The following CHN2 variants were observed in gnomAD, a reference collection of about 807,000 sequenced individuals.
CHN2 encodes beta-chimaerin.
In CHN2, 35 loss-of-function variants were observed where a neutral mutation model predicts 56.3. The ratio of observed to expected loss-of-function variants is 0.62; its 90% CI spans 0.47 to 0.82. The LOEUF (loss-of-function observed/expected upper bound fraction) is 0.82, where lower values mean the gene tolerates loss of function less well. Ranked by LOEUF, CHN2 falls within the 40% of genes least tolerant of loss-of-function variation. CHN2 has a pLI of 0.00. For synonymous variants in CHN2, 210 were observed against 212.8 expected, an observed-to-expected ratio of 0.99 and a Z score of 0.12; for missense variants, 491 against 580.5, an observed-to-expected ratio of 0.85 and a Z score of 1.58.
At chr7:29,465,800 T>TA (rs1785504439) in intron 6 of CHN2, among the ~76,000 whole-genome samples, 1 of 152,294 alleles carries the variant, frequency 6.6e-6, no homozygotes, top group South Asian at 2.1e-4. Flanking sequence ...CCATTATTGA[T>TA]AAAAAATTTT....
rs560468169 is a variant in CHN2 at position 29,186,432 on chromosome 7, A to G, written c.274+39472A>G. On this transcript the variant is annotated intron_variant, in intron 2 of 6. Transcript: ENST00000439384. ...ACCCTGTCTCCACTAAAAATTTTAAAAAGCAGCCACGTGCCTGTAGTCCCA... is the reference window on the plus strand; with the variant it reads ...ACCCTGTCTCCACTAAAAATTTTAAGAAGCAGCCACGTGCCTGTAGTCCCA... 3.3e-5 allele frequency: 5 copies of G among 152,208 alleles called. No individual in the cohort carries two copies. The South Asian group carries it at 1.0e-3, about 32-fold the overall frequency. 9.4% of individuals were successfully genotyped at this position (152,208 alleles called of 1,614,324 possible).
At chr7:29,288,633 A>T (rs1329686847) in intron 1 of CHN2, among the ~76,000 whole-genome samples, 1 of 152,214 alleles carries the variant, frequency 6.6e-6, no homozygotes, top group Non-Finnish European at 1.5e-5. Context: ...CAGTGGCTCT[A>T]GTCAGCTTTA....
At chr7:29,495,869 C>A in intron 7 of CHN2, 83 bp from the exon 8 acceptor site, 1 of 1,140,444 alleles carries the variant, frequency 8.8e-7, no homozygotes, top group Non-Finnish European at 1.3e-6. Context: ...ATCGCTCCTG[C>A]TGATCTTCAT....
At chr7:29,261,269 C>A (rs940893438) in intron 1 of CHN2, among the ~76,000 whole-genome samples, 1 of 152,210 alleles carries the variant, frequency 6.6e-6, no homozygotes, top group African/African-American at 2.4e-5. Flanking sequence ...TAATGACCGG[C>A]GGAGGGGGTT....
chr7:29,362,669 TTCCTC>T (rs1182518447), intron 2 of CHN2, among the ~76,000 whole-genome samples: 5 of 152,164 alleles, frequency 3.3e-5, no homozygotes, highest in African/African-American at 1.2e-4. Flanking sequence ...CAGTTCCTCT[TTCCTC>T]TATCTGTAAC....
intron 1 of CHN2, among the ~76,000 whole-genome samples, chr7:29,346,983 T>C (rs1022002635): frequency 2.6e-5 from 4 of 152,162 alleles, no homozygotes; most frequent in African/African-American, 9.7e-5. Flanking sequence ...GATTCGCGTA[T>C]GTTCCCTGCA....
chr7:29,406,734 G>A (rs368934483), intron 6 of CHN2, among the ~76,000 whole-genome samples: 58 of 152,176 alleles, frequency 3.8e-4, no homozygotes, highest in African/African-American at 1.4e-3. Flanking sequence ...CTGTGTGGGG[G>A]ACTCTGGGGT....
chr7:29,443,027 G>A (rs1262647530), intron 6 of CHN2, among the ~76,000 whole-genome samples: 2 of 143,202 alleles, frequency 1.4e-5, no homozygotes, highest in African/African-American at 5.4e-5. Context: ...TGCAAACTCC[G>A]CTTCCCGGGT....
intron 1 of CHN2, among the ~76,000 whole-genome samples, chr7:29,322,399 T>A (rs1446317824): frequency 6.6e-6 from 1 of 152,216 alleles, no homozygotes; most frequent in East Asian, 1.9e-4. Context: ...CACACCCCTG[T>A]GATGATGGAA....
intron 6 of CHN2, among the ~76,000 whole-genome samples, chr7:29,402,274 G>A (rs1156600454): frequency 6.6e-6 from 1 of 152,212 alleles, no homozygotes; most frequent in Non-Finnish European, 1.5e-5. Context: ...ACCTTCCACA[G>A]AATCACATCA....
At chr7:29,169,965 C>T (rs1189494517) in intron 2 of CHN2, among the ~76,000 whole-genome samples, 1 of 151,840 alleles carries the variant, frequency 6.6e-6, no homozygotes, top group Non-Finnish European at 1.5e-5. Context: ...CAGCCTTGAA[C>T]CCCTGGGCTC....
chr7:29,169,186 T>C (rs1157497487), intron 2 of CHN2, among the ~76,000 whole-genome samples: 1 of 152,228 alleles, frequency 6.6e-6, no homozygotes, highest in South Asian at 2.1e-4. Flanking sequence ...TATTCAGTAC[T>C]GTTTTTGAAA....
At chr7:29,444,983 A>T (rs1212126605) in intron 6 of CHN2, among the ~76,000 whole-genome samples, 1 of 152,224 alleles carries the variant, frequency 6.6e-6, no homozygotes, top group African/African-American at 2.4e-5. Flanking sequence ...AGAGAGGTTT[A>T]TTCTGGATCT....
intron 6 of CHN2, among the ~76,000 whole-genome samples, chr7:29,453,438 G>A (rs1298343091): frequency 3.3e-5 from 5 of 152,214 alleles, no homozygotes; most frequent in Admixed American, 6.5e-5. Flanking sequence ...GAAGGCAAGT[G>A]CACAGCACCT....
intron 2 of CHN2, among the ~76,000 whole-genome samples, chr7:29,354,976 T>TTTATTTATTTA (rs1562541555): frequency 6.7e-4 from 29 of 43,472 alleles, no homozygotes; most frequent in East Asian, 1.7e-3. Context: ...TTATTTATTT[T>TTTATTTATTTA]TTATTTATTG....
intron 1 of CHN2, chr7:29,200,786 G>T (rs1013856989): frequency 1.3e-5 from 2 of 152,182 alleles, no homozygotes; most frequent in East Asian, 1.9e-4. Context: ...AGTCTCCATG[G>T]CTAGAGGAAA....
chr7:29,512,848 C>T lies in CHN2; in HGVS notation c.*113C>T, dbSNP rs925935766. 3 of 1,182,774 alleles carry T rather than the reference C, an allele frequency of 2.5e-6. No homozygotes were observed. The highest frequency in any genetic ancestry group is 1.5e-5 in the African/African-American group (1 of 64,576). 73.3% of individuals were successfully genotyped at this position (1,182,774 alleles called of 1,614,324 possible). A position where few individuals can be genotyped will look rare whatever the true frequency, so the allele number is the denominator to read the frequency against. On this transcript the variant is annotated 3_prime_UTR_variant, in exon 13 of 13. Transcript: ENST00000222792. ...TTTTCCAAGCAAGTGCTAGAATTTC[C>T]TGGACTGCAGAGGATCGCTGAGTGG...
In CHN2 at chr7:29,211,368, G is replaced by A. The variant is rs557276397; in HGVS notation, c.49+16378G>A. On this transcript the variant is annotated intron_variant, in intron 1 of 12. Coordinates refer to ENST00000222792, the MANE Select transcript of CHN2 (RefSeq NM_004067.4). ...GCTGGGATTACAGGCGTGAGCCACC[G>A]CGCCCGGCCCTGACTGAGGTTTTAA... Among the ~76,000 whole-genome samples, 323 of 151,710 alleles carry A rather than the reference G, an allele frequency of 2.1e-3. 1 individual carries two copies. Among genetic ancestry groups the A allele is most frequent in the African/African-American group, 7.5e-3 (308 of 41,332 alleles).
At chr7:29,320,851 T>C (rs770181867) in intron 1 of CHN2, among the ~76,000 whole-genome samples, 8 of 152,188 alleles carry the variant, frequency 5.3e-5, no homozygotes, top group Non-Finnish European at 1.0e-4. Flanking sequence ...TCACCTCATA[T>C]CCTGTTTGCA....
Sources: allele counts gnomAD v4.1 joint callset (sites outside exome capture counted in the v4.1 genomes callset), GRCh38; gene constraint gnomAD v4.1.1; transcripts MANE v1.5; gene names NCBI Gene and HGNC (gene_info 2026-07-23, HGNC 2026-07-21).